The following DCDC2 variants were observed in gnomAD, a reference collection of about 807,000 sequenced individuals.
DCDC2 encodes the protein doublecortin domain-containing protein 2.
In DCDC2, 40 loss-of-function variants were observed where a neutral mutation model predicts 50.2. The ratio of observed to expected loss-of-function variants is 0.80; its 90% CI spans 0.62 to 1.04. The LOEUF is 1.04. DCDC2 is among the 50% of genes least tolerant of loss of function. DCDC2 has a pLI of 0.00. For missense variants in DCDC2, 570 were observed against 581.9 expected, an observed-to-expected ratio of 0.98 and a Z score of 0.21; for synonymous variants, 234 against 210.6, an observed-to-expected ratio of 1.11 and a Z score of -0.96.
At chr6:24,369,551 A>G in the DCDC2 span, among the ~76,000 whole-genome samples, 3 of 151,878 alleles carry the variant, frequency 2.0e-5, no homozygotes, top group African/African-American at 4.8e-5. Context: ...TGGAGGTTGC[A>G]GTGAGCCGAG....
chr6:24,224,648 G>A lies in DCDC2; in HGVS notation c.923-19546C>T, dbSNP rs144279330. Among the ~76,000 whole-genome samples, 115 of 152,252 alleles carry A rather than the reference G, an allele frequency of 7.6e-4. No individual in the cohort carries two copies. In the East Asian group the frequency reaches 0.022, roughly 28 times the overall value. On this transcript the variant is annotated intron_variant, in intron 7 of 9. Transcript: ENST00000378454. ...GCCCCCTCTCAGGAATGTTGCCCAA[G>A]GATGAGAGGGAACCACTATGGAAGA...
intron 7 of DCDC2, among the ~76,000 whole-genome samples, chr6:24,236,211 C>T (rs976924284): frequency 6.6e-6 from 1 of 152,000 alleles, no homozygotes; most frequent in South Asian, 2.1e-4. Context: ...CTAAAGTAAC[C>T]CAAACAGCAT....
At chr6:24,314,386 T>C (rs1759625284) in intron 2 of DCDC2, among the ~76,000 whole-genome samples, 1 of 152,108 alleles carries the variant, frequency 6.6e-6, no homozygotes, top group Admixed American at 6.6e-5. Context: ...GGTGGGAGGA[T>C]TGCCTGAGCC....
At chr6:24,181,597 G>T (rs1413141355) in intron 8 of DCDC2, among the ~76,000 whole-genome samples, 3 of 152,118 alleles carry the variant, frequency 2.0e-5, no homozygotes, top group Non-Finnish European at 4.4e-5. Flanking sequence ...AGCATCAAAA[G>T]GAATAAAACA....
the DCDC2 span, among the ~76,000 whole-genome samples, chr6:24,368,373 A>G: frequency 6.6e-6 from 1 of 152,170 alleles, no homozygotes; most frequent in African/African-American, 2.4e-5. Flanking sequence ...AAAAAAAAAC[A>G]AAGAATAACC....
intron 7 of DCDC2, among the ~76,000 whole-genome samples, chr6:24,236,847 T>TA (rs1317008778): frequency 2.0e-5 from 3 of 152,106 alleles, no homozygotes; most frequent in South Asian, 2.1e-4. Context: ...CCATCTCTAC[T>TA]AAAAATATAA....
chr6:24,261,597 AG>A (rs1009461842), intron 7 of DCDC2, among the ~76,000 whole-genome samples: 5 of 152,128 alleles, frequency 3.3e-5, no homozygotes, highest in African/African-American at 7.2e-5. Flanking sequence ...GGGCTCTGAG[AG>A]GGTCCCAGCA....
At chr6:24,207,440 A>G (rs1423745722) in intron 7 of DCDC2, among the ~76,000 whole-genome samples, 2 of 152,368 alleles carry the variant, frequency 1.3e-5, no homozygotes, top group East Asian at 3.9e-4. Flanking sequence ...TGCATGTTGC[A>G]GTACCATGCT....
intron 2 of DCDC2, among the ~76,000 whole-genome samples, chr6:24,335,917 C>T (rs142896128): frequency 1.3e-5 from 2 of 152,132 alleles, no homozygotes; most frequent in Non-Finnish European, 2.9e-5. Flanking sequence ...GGGATTACAA[C>T]GAGATTTGGG....
At chr6:24,216,193 T>C (rs775661025) in intron 7 of DCDC2, among the ~76,000 whole-genome samples, 1 of 152,068 alleles carries the variant, frequency 6.6e-6, no homozygotes, top group East Asian at 1.9e-4. Flanking sequence ...CAGAATACCA[T>C]TGATAAAGTC....
At chr6:24,178,729 T>A in intron 8 of DCDC2, 97 bp from the exon 9 acceptor site, 1 of 1,232,498 alleles carries the variant, frequency 8.1e-7, no homozygotes, top group Non-Finnish European at 1.1e-6. Flanking sequence ...TACAGTCAAG[T>A]AAAACATTCT....
At chr6:24,191,914 C>G (rs1204432627) in intron 8 of DCDC2, among the ~76,000 whole-genome samples, 1 of 152,132 alleles carries the variant, frequency 6.6e-6, no homozygotes, top group Non-Finnish European at 1.5e-5. Context: ...AAATGTGAGA[C>G]TGCAGAAAGG....
intron 2 of DCDC2, among the ~76,000 whole-genome samples, chr6:24,307,103 A>C (rs1412246433): frequency 6.6e-6 from 1 of 152,168 alleles, no homozygotes; most frequent in African/African-American, 2.4e-5. Context: ...TAATCCTGCT[A>C]AACTAGCCCA....
chr6:24,300,409 G>A (rs561695603), intron 4 of DCDC2, among the ~76,000 whole-genome samples: 7 of 152,170 alleles, frequency 4.6e-5, no homozygotes, highest in Non-Finnish European at 5.9e-5. Context: ...AATTAAAAAT[G>A]TATATGCTTG....
At chr6:24,371,996 T>C in the DCDC2 span, among the ~76,000 whole-genome samples, 5 of 152,128 alleles carry the variant, frequency 3.3e-5, no homozygotes, top group Admixed American at 6.5e-5. Flanking sequence ...TGTGGAGAAA[T>C]AGGAACACTT....
At chr6:24,361,851 C>T (rs186332944), upstream of DCDC2, among the ~76,000 whole-genome samples, 69 of 152,254 alleles carry the variant, frequency 4.5e-4, no homozygotes, top group African/African-American at 1.6e-3. Context: ...ATCTCCAACC[C>T]GGATGTGTCT....
At chr6:24,373,566 G>A in the DCDC2 span, among the ~76,000 whole-genome samples, 5 of 152,144 alleles carry the variant, frequency 3.3e-5, no homozygotes. Context: ...CCAAAGTGGT[G>A]AGTAAGGAAC....
the DCDC2 span, among the ~76,000 whole-genome samples, chr6:24,363,775 C>T: frequency 6.6e-6 from 1 of 152,170 alleles, no homozygotes; most frequent in Non-Finnish European, 1.5e-5. Flanking sequence ...GCATCATCAT[C>T]CCCTAAGAGG....
chr6:24,273,566 T>C (rs1763286590), intron 7 of DCDC2, among the ~76,000 whole-genome samples: 1 of 152,240 alleles, frequency 6.6e-6, no homozygotes, highest in African/African-American at 2.4e-5. Context: ...CCTTGGTGCC[T>C]TCTTACATAT....
Sources: gnomAD v4.1 joint callset for allele counts (sites outside exome capture counted in the v4.1 genomes callset) on GRCh38, gnomAD v4.1.1 for gene constraint, MANE v1.5 for transcripts, NCBI Gene and HGNC (gene_info 2026-07-23, HGNC 2026-07-21) for gene names.